UNC93A: variants seen among roughly 807,000 people sequenced by gnomAD.
UNC93A encodes the protein unc-93 homolog A.
UNC93A carries 43 observed loss-of-function variants against 47.5 expected under a neutral mutation model. The observed-to-expected ratio is 0.91, with a 90% confidence interval of 0.71 to 1.17. The LOEUF (loss-of-function observed/expected upper bound fraction) is 1.17. UNC93A is among the 50% of genes most tolerant of loss of function. The pLI is 0.00. For synonymous variants in UNC93A, 280 were observed against 258.0 expected (o/e 1.09, Z -0.82); for missense variants, 605 against 577.6 (o/e 1.05, Z -0.49).
At chr6:167,283,691 C>A (rs1212940) in intron 1 of UNC93A, among the ~76,000 whole-genome samples, 8 of 152,240 alleles carry the variant, frequency 5.3e-5, no homozygotes, top group Admixed American at 5.2e-4. Flanking sequence ...TTGAGATACA[C>A]ACACACACCT....
intron 1 of UNC93A, 123 bp from the exon 2 acceptor site, chr6:167,294,394 C>A (rs1777987857): frequency 8.6e-7 from 1 of 1,163,554 alleles, no homozygotes; most frequent in Non-Finnish European, 1.2e-6. Flanking sequence ...GGGCAGCAAG[C>A]CTGTGGCTGG....
At chr6:167,303,767 T>G in intron 4 of UNC93A, 152 bp from the exon 5 acceptor site, 1 of 692,516 alleles carries the variant, frequency 1.4e-6, no homozygotes, top group East Asian at 2.6e-5. Context: ...ACACCTGAGA[T>G]CCTTAAGCAT....
intron 1 of UNC93A, among the ~76,000 whole-genome samples, chr6:167,285,481 C>T (rs1027741582): frequency 6.6e-6 from 1 of 151,796 alleles, no homozygotes; most frequent in Admixed American, 6.6e-5. Context: ...AGCCGGGACT[C>T]ACACTGCAGT....
Position 167,291,455 on chromosome 6 carries a change from G to A in UNC93A, c.-35G>A, listed in dbSNP as rs371765290. 42 of 1,589,036 alleles carry A rather than the reference G, an allele frequency of 2.6e-5. No homozygotes were observed. In the South Asian group the frequency reaches 4.1e-4, roughly 16 times the overall value. On this transcript the variant is annotated 5_prime_UTR_variant, in exon 1 of 8. The change creates a new upstream start codon in the 5' untranslated region. Coordinates refer to ENST00000230256, the MANE Select transcript of UNC93A (RefSeq NM_018974.4). Reference sequence around the variant, plus strand: ...TTCTTTTAGGGAGCTACAAATTTACGTGTTCACTGGTGATTGATCTTTTCA... The same window carrying A: ...TTCTTTTAGGGAGCTACAAATTTACATGTTCACTGGTGATTGATCTTTTCA...
At position 167,294,524 on chromosome 6, in the gene UNC93A, T is replaced by A; in HGVS notation, c.95T>A (p.Leu32Gln). 6.2e-7 allele frequency: 1 copy of A among 1,614,034 alleles called. No individual in the cohort carries two copies. Among genetic ancestry groups the A allele is most frequent in the South Asian group, 1.1e-5 (1 of 91,084 alleles). Residue 32 changes from leucine to glutamine, a missense_variant, in exon 2 of 8, where the codon CTG (leucine) becomes CAG (glutamine). Coordinates refer to ENST00000230256, the MANE Select transcript of UNC93A (RefSeq NM_018974.4). Reference protein sequence around the residue: ...YGGLQSLQSSLYSEEGLGVTA... With the variant: ...YGGLQSLQSSQYSEEGLGVTA... ...CTGGCTTTGTTCCCACAGAGCAGCC[T>A]GTACAGCGAGGAGGGCCTGGGTGTC...
chr6:167,283,510 T>A (rs576781660), intron 1 of UNC93A, among the ~76,000 whole-genome samples: 1 of 152,272 alleles, frequency 6.6e-6, no homozygotes. Flanking sequence ...TACAATTTCA[T>A]TTTGGTCTAC....
chr6:167,270,814 G>A (rs1287049642), upstream of UNC93A, among the ~76,000 whole-genome samples: 2 of 152,318 alleles, frequency 1.3e-5, no homozygotes, highest in South Asian at 2.1e-4. Flanking sequence ...AGGCATTGGC[G>A]CCCTCCCGCT....
intron 1 of UNC93A, among the ~76,000 whole-genome samples, chr6:167,272,272 G>T (rs985621317): frequency 2.6e-5 from 4 of 152,208 alleles, no homozygotes; most frequent in African/African-American, 4.8e-5. Flanking sequence ...CAAATGGAGA[G>T]GCCAGGAGCA....
intron 7 of UNC93A, among the ~76,000 whole-genome samples, chr6:167,308,705 TG>T (rs1778473590): frequency 1.3e-5 from 2 of 151,000 alleles, no homozygotes; most frequent in South Asian, 4.2e-4. Context: ...GGCCAGCATG[TG>T]GGGGAGGGTC....
intron 1 of UNC93A, among the ~76,000 whole-genome samples, chr6:167,286,167 C>A (rs976854767): frequency 1.3e-5 from 2 of 151,222 alleles, no homozygotes; most frequent in African/African-American, 4.9e-5. Flanking sequence ...TAAGCAATAA[C>A]CTTCAATGCT....
At chr6:167,270,711 C>A (rs150806279), upstream of UNC93A, among the ~76,000 whole-genome samples, 6 of 152,242 alleles carry the variant, frequency 3.9e-5, no homozygotes, top group East Asian at 9.6e-4. Flanking sequence ...GAGAGGGGAG[C>A]ACGGGGAGAA....
rs371606617 is a variant in UNC93A, at chr6:167,315,136, G to T, written c.1109-51G>T. On this transcript the variant is annotated intron_variant, in intron 7 of 7. Transcript: ENST00000230256. ...AAAGCTGTGCTCTTTTCACAAACAGGGTCACTGTGGGGCCCATGGCAGAGC... is the reference window on the plus strand; with the variant it reads ...AAAGCTGTGCTCTTTTCACAAACAGTGTCACTGTGGGGCCCATGGCAGAGC... 17 of 1,596,426 alleles carry T rather than the reference G, an allele frequency of 1.1e-5. No individual in the cohort carries two copies. In the Middle Eastern group the frequency reaches 1.8e-3, roughly 169 times the overall value.
chr6:167,275,763 T>C (rs1451498806), intron 1 of UNC93A, among the ~76,000 whole-genome samples: 1 of 152,244 alleles, frequency 6.6e-6, no homozygotes, highest in Non-Finnish European at 1.5e-5. Context: ...CCAGCTCAGA[T>C]GCAACCTTGT....
At chr6:167,279,381 A>C (rs892084561) in intron 1 of UNC93A, among the ~76,000 whole-genome samples, 1 of 152,184 alleles carries the variant, frequency 6.6e-6, no homozygotes, top group African/African-American at 2.4e-5. Context: ...CCTTTACACC[A>C]TATAAATGTT....
intron 7 of UNC93A, among the ~76,000 whole-genome samples, chr6:167,312,020 C>T (rs1235097186): frequency 6.6e-6 from 1 of 151,486 alleles, no homozygotes; most frequent in African/African-American, 2.4e-5. Flanking sequence ...GTCCTGGATT[C>T]CCTGTTGGAC....
intron 1 of UNC93A, among the ~76,000 whole-genome samples, chr6:167,280,453 G>A (rs1414272201): frequency 2.0e-5 from 3 of 152,162 alleles, no homozygotes; most frequent in African/African-American, 7.2e-5. Flanking sequence ...CTTCACTTCC[G>A]TATCCTTGAG....
intron 1 of UNC93A, among the ~76,000 whole-genome samples, chr6:167,283,472 A>G (rs1442593655): frequency 2.6e-5 from 4 of 152,140 alleles, no homozygotes; most frequent in Admixed American, 6.5e-5. Flanking sequence ...GGCTGAAAAG[A>G]GGGGTCCATT....
At chr6:167,303,023 C>T (rs918344106) in intron 4 of UNC93A, among the ~76,000 whole-genome samples, 4 of 152,196 alleles carry the variant, frequency 2.6e-5, no homozygotes, top group Non-Finnish European at 5.9e-5. Context: ...GCCACCTCTG[C>T]TGTCAGAGTG....
chr6:167,274,897 A>G (rs138748643), intron 1 of UNC93A, among the ~76,000 whole-genome samples: 21 of 152,320 alleles, frequency 1.4e-4, no homozygotes, highest in African/African-American at 5.1e-4. Context: ...TACTTTGATT[A>G]GGCTCATTCC....
Sources: gnomAD v4.1 joint callset for allele counts (sites outside exome capture counted in the v4.1 genomes callset) on GRCh38, gnomAD v4.1.1 for gene constraint, MANE v1.5 for transcripts, NCBI Gene and HGNC (gene_info 2026-07-23, HGNC 2026-07-21) for gene names.